Variants in CWH43 observed in about 807,000 individuals in gnomAD.
The protein encoded by CWH43 is cell wall biogenesis 43 C-terminal homolog, also known as PGAP2-interacting protein.
In CWH43, 91 loss-of-function variants were observed where a neutral mutation model predicts 85.7. The ratio of observed to expected loss-of-function variants is 1.06; its 90% CI spans 0.90 to 1.26. The LOEUF is 1.26. Ranked by LOEUF, CWH43 falls within the 50% of genes most tolerant of loss-of-function variation. The pLI is 0.00. For missense variants in CWH43, 869 were observed against 839.2 expected (o/e 1.04, Z -0.44); for synonymous variants, 323 against 293.6 (o/e 1.10, Z -1.02).
intron 11 of CWH43, among the ~76,000 whole-genome samples, chr4:49,031,685 G>A (rs1171042817): frequency 1.3e-5 from 2 of 152,200 alleles, no homozygotes; most frequent in Admixed American, 1.3e-4. Flanking sequence ...AGAGATGATA[G>A]GTGGAATAGC....
At chr4:49,045,632 G>A (rs73246069) in intron 14 of CWH43, among the ~76,000 whole-genome samples, 1 of 152,174 alleles carries the variant, frequency 6.6e-6, no homozygotes, top group Non-Finnish European at 1.5e-5. Flanking sequence ...TAGGTGTGTA[G>A]TAGGCTATAC....
At chr4:49,017,223 C>G (rs765567869) in intron 8 of CWH43, 26 bp from the exon 9 acceptor site, 1 of 1,573,772 alleles carries the variant, frequency 6.4e-7, no homozygotes, top group African/African-American at 1.4e-5. Flanking sequence ...TTTAAAAAAA[C>G]CCAATTATTT....
At chr4:48,994,050 C>T (rs1782736862) in intron 4 of CWH43, among the ~76,000 whole-genome samples, 1 of 152,186 alleles carries the variant, frequency 6.6e-6, no homozygotes, top group Admixed American at 6.5e-5. Flanking sequence ...GCTCGAGCCA[C>T]TGCATCTGGC....
At chr4:49,026,535 C>A (rs752448000) in intron 9 of CWH43, among the ~76,000 whole-genome samples, 1 of 152,034 alleles carries the variant, frequency 6.6e-6, no homozygotes, top group African/African-American at 2.4e-5. Flanking sequence ...TTATCCTTTA[C>A]CCCCTCCCAC....
chr4:49,021,840 A>T (rs1371276708), intron 9 of CWH43, among the ~76,000 whole-genome samples: 1 of 151,644 alleles, frequency 6.6e-6, no homozygotes, highest in Non-Finnish European at 1.5e-5. Context: ...TGAATTCTTG[A>T]TTTGATTATC....
intron 8 of CWH43, among the ~76,000 whole-genome samples, chr4:49,015,137 A>AT (rs895494898): frequency 6.6e-6 from 1 of 151,812 alleles, no homozygotes; most frequent in Non-Finnish European, 1.5e-5. Context: ...GGTTTAATCT[A>AT]TTTTTACCAT....
intron 4 of CWH43, among the ~76,000 whole-genome samples, chr4:48,993,900 G>A (rs1472383398): frequency 5.3e-5 from 8 of 151,818 alleles, no homozygotes; most frequent in Non-Finnish European, 1.5e-5. Flanking sequence ...GATTACAGGC[G>A]TCTGCCACCG....
chr4:49,030,908 A>C lies in CWH43; in HGVS notation c.1456A>C (p.Lys486Gln), dbSNP rs868839787. ...NNDLTMWLGE[K>Q]LGFYTDFGPS... ...TGACTTAACCATGTGGCTAGGGGAA[A>C]AGTTGGGTTTCTATACAGACTTTGG... Residue 486 changes from lysine to glutamine, a missense_variant, in exon 11 of 16, where the codon AAG (lysine) becomes CAG (glutamine). Physicochemically the swap from Lys to Gln is moderately conservative, Grantham distance 53 (BLOSUM62 1). This residue lies in a region of CWH43 where 577 missense variants were observed against 513.1 expected (regional missense o/e 1.12). Coordinates refer to ENST00000226432, the MANE Select transcript of CWH43 (RefSeq NM_025087.3). 7 of 1,611,220 alleles carry C rather than the reference A, an allele frequency of 4.3e-6. No individual in the cohort carries two copies. The African/African-American group carries it at 6.7e-5, about 15-fold the overall frequency.
intron 13 of CWH43, among the ~76,000 whole-genome samples, chr4:49,039,446 T>A (rs1162221930): frequency 3.5e-5 from 5 of 142,510 alleles, no homozygotes; most frequent in African/African-American, 1.3e-4. Flanking sequence ...TATATATATA[T>A]ATACTATAAT....
At chr4:49,032,134 A>G (rs1784118296) in intron 11 of CWH43, among the ~76,000 whole-genome samples, 1 of 152,232 alleles carries the variant, frequency 6.6e-6, no homozygotes, top group Non-Finnish European at 1.5e-5. Context: ...GTGAGGTGGA[A>G]TGCCTTTTCA....
intron 13 of CWH43, 110 bp downstream of exon 13, chr4:49,038,290 C>G (rs1784323735): frequency 1.2e-6 from 1 of 834,750 alleles, no homozygotes; most frequent in South Asian, 2.0e-5. Context: ...AGTCTATCTA[C>G]TGCTGCCTAG....
intron 3 of CWH43, 134 bp from the exon 4 acceptor site, chr4:48,991,802 G>T: frequency 2.2e-6 from 2 of 910,194 alleles, no homozygotes; most frequent in South Asian, 3.5e-5. Flanking sequence ...CTATATAGAG[G>T]CTAAATCACA....
At chr4:49,042,356 G>A (rs545740902) in intron 13 of CWH43, among the ~76,000 whole-genome samples, 2 of 152,292 alleles carry the variant, frequency 1.3e-5, no homozygotes, top group African/African-American at 4.8e-5. Context: ...AGCCACAGAT[G>A]GATCCCTGAT....
chr4:49,023,861 G>A (rs1229637284), intron 9 of CWH43, among the ~76,000 whole-genome samples: 1 of 152,148 alleles, frequency 6.6e-6, no homozygotes, highest in Non-Finnish European at 1.5e-5. Flanking sequence ...TATCTGTTAA[G>A]TCCATTTGTT....
intron 15 of CWH43, among the ~76,000 whole-genome samples, chr4:49,059,041 T>A (rs551934731): frequency 2.2e-4 from 33 of 152,310 alleles, no homozygotes; most frequent in African/African-American, 5.8e-4. Flanking sequence ...CTGCTTTTTT[T>A]AAAATAAGCT....
intron 8 of CWH43, among the ~76,000 whole-genome samples, chr4:49,010,012 C>T (rs1328812296): frequency 1.3e-5 from 2 of 152,004 alleles, no homozygotes; most frequent in African/African-American, 4.8e-5. Flanking sequence ...GGGAGGATTC[C>T]CTCTTTTTCT....
chr4:49,039,320 TATATATATATATAC>T (rs1784369272), intron 13 of CWH43, among the ~76,000 whole-genome samples: 1 of 30,218 alleles, frequency 3.3e-5, no homozygotes, highest in Non-Finnish European at 8.4e-5. Flanking sequence ...TATATATATA[TATATATATATATAC>T]TGATGTATAT....
intron 8 of CWH43, among the ~76,000 whole-genome samples, chr4:49,008,748 T>A (rs537640640): frequency 1.3e-5 from 2 of 152,344 alleles, no homozygotes; most frequent in Non-Finnish European, 2.9e-5. Context: ...TCCTCCTTTC[T>A]TGTTTTTGTC....
intron 7 of CWH43, among the ~76,000 whole-genome samples, chr4:49,004,474 G>A (rs1783092137): frequency 6.6e-6 from 1 of 152,162 alleles, no homozygotes; most frequent in South Asian, 2.1e-4. Context: ...GCAGCCTTGA[G>A]CTCCTGGGCT....
Sources: allele counts gnomAD v4.1 joint callset (sites outside exome capture counted in the v4.1 genomes callset), GRCh38; gene constraint gnomAD v4.1.1; regional missense constraint gnomAD v4.1.1; transcripts MANE v1.5; gene names NCBI Gene and HGNC (gene_info 2026-07-23, HGNC 2026-07-21).